The following STARD8 variants were observed in gnomAD, a reference collection of about 807,000 sequenced individuals.
STARD8 encodes the protein stAR-related lipid transfer protein 8.
A neutral mutation model predicts 69.4 loss-of-function variants in STARD8; 25 were observed. The observed-to-expected ratio is 0.36, with a 90% CI of 0.26 to 0.50. The LOEUF (loss-of-function observed/expected upper bound fraction) is 0.50, where lower values mean the gene tolerates loss of function less well. STARD8 is among the 20% of genes least tolerant of loss of function. The probability of loss-of-function intolerance (pLI) is 0.96; values close to 1 mark genes in which losing one functional copy is unlikely to be tolerated. For synonymous variants in STARD8, 389 were observed against 374.6 expected (o/e 1.04, Z -0.45); for missense variants, 921 against 932.5 (o/e 0.99, Z 0.16).
intron 2 of STARD8, among the ~76,000 whole-genome samples, chrX:68,674,328 A>G (rs1419843741): frequency 9.1e-6 from 1 of 109,925 alleles, no homozygotes; most frequent in Non-Finnish European, 1.9e-5. Flanking sequence ...ACATGAATTC[A>G]TAAGATAAAA....
intron 2 of STARD8, among the ~76,000 whole-genome samples, chrX:68,678,200 G>A (rs1230685080): frequency 9.0e-6 from 1 of 111,503 alleles, no homozygotes; most frequent in East Asian, 2.8e-4. Flanking sequence ...GGCCAGAGAA[G>A]GGAGGATCAA....
chrX:68,668,799 A>G (rs1456544034), intron 2 of STARD8, among the ~76,000 whole-genome samples: 1 of 112,164 alleles, frequency 8.9e-6, no homozygotes, highest in Non-Finnish European at 1.9e-5. Flanking sequence ...CACATCATCC[A>G]TGCCATTAAG....
At chrX:68,668,049 TC>T (rs1283500371) in intron 2 of STARD8, among the ~76,000 whole-genome samples, 8 of 104,203 alleles carry the variant, frequency 7.7e-5, no homozygotes, top group Non-Finnish European at 1.4e-4. Context: ...CCTCTTTCTC[TC>T]TCTTTCTTTT....
chrX:68,688,698 A>C (rs35574051), intron 2 of STARD8, among the ~76,000 whole-genome samples: 1 of 109,632 alleles, frequency 9.1e-6, no homozygotes, highest in East Asian at 2.8e-4. Context: ...GCTGGGGGCA[A>C]AGACCAGGGC....
chrX:68,677,543 G>A (rs1222722464), intron 2 of STARD8, among the ~76,000 whole-genome samples: 2 of 111,517 alleles, frequency 1.8e-5, no homozygotes, highest in Admixed American at 1.9e-4. Flanking sequence ...AATCCCCAGA[G>A]TCGTGCTACA....
Position 68,725,555 on chromosome X carries a change from A to AATATATAT in STARD8, c.*1150_*1157dup, listed in dbSNP as rs771897636. The AATATATAT allele has an allele frequency of 6.5e-3, 603 of 93,338 alleles. 9 individuals carry two copies. Among genetic ancestry groups the AATATATAT allele is most frequent in the African/African-American group, 0.023 (551 of 23,821 alleles). The allele number at this position is 93,338 out of a possible 1,213,427, so 7.7% of individuals were successfully genotyped here. On this transcript the variant is annotated 3_prime_UTR_variant, in exon 15 of 15. Transcript: ENST00000374599. ...TTGTACCTGTAAATACTGTACAGCTAATATATATATATATATATATATATG... is the reference window on the plus strand; with the variant it reads ...TTGTACCTGTAAATACTGTACAGCTAATATATATATATATATATATATATATATATATG...
chrX:68,718,629 G>C lies in STARD8; in HGVS notation c.1715G>C (p.Arg572Thr). ...GVGASLTRPC[R>T]KLRWHSFQNS... Reference sequence around the variant, plus strand: ...GGGGCCTCACTTACCAGACCCTGCAGGTGAGAGTTTGGGTTGGGATGGGGC... The same window carrying C: ...GGGGCCTCACTTACCAGACCCTGCACGTGAGAGTTTGGGTTGGGATGGGGC... The change falls in exon 6 of 15, where the codon AGG becomes ACG. Residue 572 changes from arginine (R) to threonine (T), a missense_variant and splice_region_variant. Arg to Thr is a moderately conservative substitution (Grantham distance 71). Transcript: ENST00000374599. 8.4e-7 allele frequency: 1 copy of C among 1,189,615 alleles called. No homozygotes were observed. Among genetic ancestry groups the C allele is most frequent in the Admixed American group, 2.3e-5 (1 of 43,479 alleles).
At chrX:68,698,744 C>G (rs1331391228) in intron 2 of STARD8, among the ~76,000 whole-genome samples, 4 of 110,860 alleles carry the variant, frequency 3.6e-5, no homozygotes, top group African/African-American at 1.3e-4. Context: ...GGTTCTGCCC[C>G]CTCTATAGCT....
Position 68,719,263 on chromosome X carries a change from C to G in STARD8, c.1754C>G (p.Pro585Arg). The change falls in exon 7 of 15, where the codon CCC becomes CGC. Residue 585 changes from proline to arginine, a missense_variant. Transcript: ENST00000374599. ...RWHSFQNSHR[P>R]SLNSESLEIN... ...CATAGCTTCCAGAACTCCCATCGTC[C>G]CAGCCTCAACTCAGAGTCGCTGGAG... 1 of 1,202,059 alleles carries G rather than the reference C, an allele frequency of 8.3e-7. No homozygotes were observed. Among genetic ancestry groups the G allele is most frequent in the African/African-American group, 1.7e-5 (1 of 57,736 alleles).
intron 1 of STARD8, among the ~76,000 whole-genome samples, chrX:68,653,153 CCAAA>C (rs1465677035): frequency 6.3e-5 from 1 of 15,903 alleles, no homozygotes; most frequent in African/African-American, 2.3e-4. Flanking sequence ...ACACACCACA[CCAAA>C]CACACACACC....
At position 68,680,333 on chromosome X, in the gene STARD8, A is replaced by T. The variant is rs150779151; in HGVS notation, c.79+14801A>T. On this transcript the variant is annotated intron_variant, in intron 2 of 14. Transcript: ENST00000374599. Reference sequence around the variant, plus strand: ...TCCATCTGTCCCACGTGGGGCAGGCATGGATCAGATGCTCTCTGAGGACCC... The same window carrying T: ...TCCATCTGTCCCACGTGGGGCAGGCTTGGATCAGATGCTCTCTGAGGACCC... Among the ~76,000 whole-genome samples, 855 of 111,741 alleles carry T rather than the reference A, an allele frequency of 7.7e-3. 4 individuals carry two copies. The highest frequency in any genetic ancestry group is 0.027 in the African/African-American group (821 of 30,745).
Position 68,683,044 on chromosome X carries a change from C to T in STARD8, c.79+17512C>T, listed in dbSNP as rs780066318. ...GAAACAGTCAGTTGCCAAATCTGAA[C>T]GCTGGACCAGCCCTGTGCATGGCTC... On this transcript the variant is annotated intron_variant, in intron 2 of 14. Coordinates refer to ENST00000374599, the MANE Select transcript of STARD8 (RefSeq NM_001142503.3). Among the ~76,000 whole-genome samples, 7 of 112,528 alleles carry T rather than the reference C, an allele frequency of 6.2e-5. No homozygotes were observed. The South Asian group carries it at 1.1e-3, about 18-fold the overall frequency.
At position 68,665,500 on chromosome X, in the gene STARD8, G is replaced by A; in HGVS notation, c.47G>A (p.Cys16Tyr). Residue 16 changes from cysteine to tyrosine, a missense_variant and splice_region_variant, in exon 2 of 15, where the codon TGC becomes TAC. Physicochemically the swap from Cys to Tyr is radical, Grantham distance 194. Coordinates refer to ENST00000374599, the MANE Select transcript of STARD8 (RefSeq NM_001142503.3). ...VFWSCFRKVK[C>Y]FPLLQVKKNA... ...ACTTCTTCTCTGTTTCTTTTGCAGTGCTTCCCATTGCTGCAGGTGAAGAAG... is the reference window on the plus strand; with the variant it reads ...ACTTCTTCTCTGTTTCTTTTGCAGTACTTCCCATTGCTGCAGGTGAAGAAG... The A allele has an allele frequency of 1.7e-6, 2 of 1,207,762 alleles. No homozygotes were observed. The highest frequency in any genetic ancestry group is 2.2e-6 in the Non-Finnish European group (2 of 893,468).
intron 2 of STARD8, among the ~76,000 whole-genome samples, chrX:68,710,850 TAAC>T (rs1263938946): frequency 8.9e-6 from 1 of 112,093 alleles, no homozygotes; most frequent in Non-Finnish European, 1.9e-5. Context: ...TTTGTCCTAA[TAAC>T]AGGAAAGCAG....
intron 2 of STARD8, among the ~76,000 whole-genome samples, chrX:68,690,344 G>A (rs1029121413): frequency 1.8e-5 from 2 of 109,351 alleles, no homozygotes; most frequent in Non-Finnish European, 3.8e-5. Flanking sequence ...AGTCTATCTG[G>A]TTCCTTTTGG....
chrX:68,719,395 T>C lies in STARD8; in HGVS notation c.1886T>C (p.Val629Ala). 8.6e-7 allele frequency: 1 copy of C among 1,168,552 alleles called. No individual in the cohort carries two copies. The highest frequency in any genetic ancestry group is 1.1e-6 in the Non-Finnish European group (1 of 872,885). ...KYTVPHKQGW[V>A]WSMPKFMRRN... is the part of the protein sequence containing the mutation. ...ACTGTGCCCCACAAGCAGGGCTGGG[T>C]CTGGTGAGTGGCTCCTGGGCCATGG... The change falls in exon 7 of 15, where the codon GTC (valine) becomes GCC (alanine). Residue 629 changes from valine (V) to alanine (A), a missense_variant. Coordinates refer to ENST00000374599, the MANE Select transcript of STARD8 (RefSeq NM_001142503.3).
intron 2 of STARD8, among the ~76,000 whole-genome samples, chrX:68,699,528 G>C (rs1447752174): frequency 9.0e-6 from 1 of 111,594 alleles, no homozygotes; most frequent in Admixed American, 9.5e-5. Context: ...TGCTCTCTCT[G>C]ACCTTCAGGG....
chrX:68,700,284 A>G (rs774978207), intron 2 of STARD8, among the ~76,000 whole-genome samples: 2 of 112,265 alleles, frequency 1.8e-5, no homozygotes, highest in Non-Finnish European at 3.8e-5. Context: ...GCAGCCCTGT[A>G]AAGTAGATGG....
At chrX:68,705,696 A>G (rs1205897124) in intron 2 of STARD8, among the ~76,000 whole-genome samples, 3 of 112,237 alleles carry the variant, frequency 2.7e-5, no homozygotes, top group African/African-American at 9.7e-5. Context: ...TCTGGAGTCA[A>G]CCTTCCTTTG....
Sources: allele counts gnomAD v4.1 joint callset (sites outside exome capture counted in the v4.1 genomes callset), GRCh38; gene constraint gnomAD v4.1.1; transcripts MANE v1.5; gene names NCBI Gene and HGNC (gene_info 2026-07-23, HGNC 2026-07-21).